Variants in SERPINE2 observed in about 807,000 individuals in gnomAD.
SERPINE2 encodes the protein glia-derived nexin.
Under a neutral mutation model 36.3 loss-of-function variants are expected in SERPINE2, and 14 were observed. That is an observed-to-expected ratio of 0.39 (90% CI 0.25 to 0.60). SERPINE2 has a LOEUF of 0.60. SERPINE2 is among the 20% of genes least tolerant of loss of function. The probability of loss-of-function intolerance (pLI) is 0.57; values close to 1 mark genes in which losing one functional copy is unlikely to be tolerated. For synonymous variants in SERPINE2, 192 were observed against 191.8 expected (o/e 1.00, Z -0.01); for missense variants, 418 against 499.6 (o/e 0.84, Z 1.56).
chr2:223,992,019 A>T lies in SERPINE2; in HGVS notation c.488-19T>A. On this transcript the variant is annotated intron_variant, in intron 3 of 8. Coordinates refer to ENST00000409304, the MANE Select transcript of SERPINE2 (RefSeq NM_001136528.2). ...ATCATATCTGTGAAGCCAAAGAACA[A>T]ACAAGGGAAAAATAACCTCAGGACT... The T allele has an allele frequency of 6.2e-7, 1 of 1,611,564 alleles. No homozygotes were observed. Among genetic ancestry groups the T allele is most frequent in the Non-Finnish European group, 8.5e-7 (1 of 1,178,524 alleles).
chr2:223,989,555 T>TG (rs1690569352), intron 4 of SERPINE2, among the ~76,000 whole-genome samples: 1 of 152,184 alleles, frequency 6.6e-6, no homozygotes, highest in South Asian at 2.1e-4. Flanking sequence ...TTCACAGCCC[T>TG]GTCAAGACAA....
chr2:224,026,607 C>G (rs1170217506), intron 1 of SERPINE2, among the ~76,000 whole-genome samples: 2 of 152,146 alleles, frequency 1.3e-5, no homozygotes, highest in African/African-American at 4.8e-5. Flanking sequence ...TTCTGAAGAA[C>G]AATTTTGAGG....
chr2:223,993,649 G>C (rs1411869322), intron 3 of SERPINE2, among the ~76,000 whole-genome samples: 1 of 152,032 alleles, frequency 6.6e-6, no homozygotes, highest in African/African-American at 2.4e-5. Context: ...GAAGAAGCAA[G>C]AATATCTAAT....
intron 1 of SERPINE2, among the ~76,000 whole-genome samples, chr2:224,009,018 C>T (rs886525159): frequency 3.3e-5 from 5 of 152,124 alleles, no homozygotes; most frequent in African/African-American, 1.2e-4. Flanking sequence ...GTCTGCTGGG[C>T]ATTAAAAGCT....
chr2:224,014,126 G>C lies in SERPINE2; in HGVS notation c.-22-12204C>G, dbSNP rs1469096919. The stretch of plus-strand genomic sequence containing the variant: ...GAGGTGGCTCATGCCTGTAATCCTA[G>C]CCCTTTGGGAAGCCAAGGTGGGTAG... On this transcript the variant is annotated intron_variant, in intron 1 of 8. Transcript: ENST00000409304. Among the ~76,000 whole-genome samples the C allele has an allele frequency of 2.0e-5, 3 of 152,320 alleles. No homozygotes were observed. The South Asian group carries it at 6.2e-4, about 32-fold the overall frequency.
chr2:224,000,806 G>A (rs1476314853), intron 2 of SERPINE2, among the ~76,000 whole-genome samples: 2 of 151,864 alleles, frequency 1.3e-5, no homozygotes, highest in Non-Finnish European at 2.9e-5. Flanking sequence ...CTGTTCCTGC[G>A]TTTGCTGAGA....
chr2:224,006,578 C>T (rs1691432928), intron 1 of SERPINE2, among the ~76,000 whole-genome samples: 2 of 152,118 alleles, frequency 1.3e-5, no homozygotes, highest in African/African-American at 2.4e-5. Context: ...TTTCTTTCCT[C>T]GCAAGTAGAC....
chr2:224,028,587 C>T (rs1313964159), intron 1 of SERPINE2, among the ~76,000 whole-genome samples: 1 of 152,070 alleles, frequency 6.6e-6, no homozygotes, highest in Non-Finnish European at 1.5e-5. Context: ...AGTCTATATC[C>T]CATCAGTGGG....
Position 223,991,856 on chromosome 2 carries a change from T to C in SERPINE2, c.632A>G (p.Asp211Gly). The stretch of plus-strand genomic sequence containing the variant: ...CATTGGCACTTGATAGGATTTCCCG[T>C]CGGCTGCCACGAAAGTGCGTTTCTT... ...NTKKRTFVAA[D>G]GKSYQVPMLA... Residue 211 changes from aspartate (D) to glycine (G), a missense_variant, in exon 4 of 9, where the codon GAC becomes GGC. By Grantham distance (94) the Asp-to-Gly change is moderately conservative. Coordinates refer to ENST00000409304, the MANE Select transcript of SERPINE2 (RefSeq NM_001136528.2). The C allele has an allele frequency of 6.2e-7, 1 of 1,613,326 alleles. No homozygotes were observed. The highest frequency in any genetic ancestry group is 1.1e-5 in the South Asian group (1 of 90,886).
At chr2:224,013,441 T>G (rs563459123) in intron 1 of SERPINE2, among the ~76,000 whole-genome samples, 1 of 152,262 alleles carries the variant, frequency 6.6e-6, no homozygotes, top group East Asian at 1.9e-4. Context: ...ACTTGCACTT[T>G]CCCTCTAGCT....
chr2:223,979,143 C>T (rs1452024342), intron 7 of SERPINE2: 1 of 152,204 alleles, frequency 6.6e-6, no homozygotes, highest in African/African-American at 2.4e-5. Context: ...CGGACTAAGA[C>T]AGGAGGACCT....
At chr2:223,977,183 A>AG (rs749173082) in intron 8 of SERPINE2, among the ~76,000 whole-genome samples, 1 of 152,202 alleles carries the variant, frequency 6.6e-6, no homozygotes, top group Non-Finnish European at 1.5e-5. Context: ...GTGAGAACAG[A>AG]CTAATACACA....
chr2:224,023,590 T>C (rs1337915779), intron 1 of SERPINE2, among the ~76,000 whole-genome samples: 1 of 152,228 alleles, frequency 6.6e-6, no homozygotes, highest in East Asian at 1.9e-4. Flanking sequence ...GGTAGGTTCA[T>C]TTAAGCAGTT....
intron 3 of SERPINE2, 111 bp from the exon 4 acceptor site, chr2:223,992,111 G>A (rs953499145): frequency 1.1e-6 from 1 of 874,126 alleles, no homozygotes; most frequent in Non-Finnish European, 1.8e-6. Context: ...GATTTTTAAG[G>A]AGTGTTAAAG....
chr2:224,005,939 G>A (rs1574834137), intron 1 of SERPINE2, among the ~76,000 whole-genome samples: 1 of 152,250 alleles, frequency 6.6e-6, no homozygotes, highest in East Asian at 1.9e-4. Context: ...CCTTCCCTAT[G>A]TTCTTCTAGT....
At chr2:224,015,087 GGGGAGGCCAGGGGTGC>G (rs1447698731) in intron 1 of SERPINE2, among the ~76,000 whole-genome samples, 1 of 152,120 alleles carries the variant, frequency 6.6e-6, no homozygotes, top group Non-Finnish European at 1.5e-5. Flanking sequence ...TGCTAGGTGG[GGGGAGGCCAGGGGTGC>G]TGCTGAGCAG....
chr2:224,024,210 C>T (rs1574847590), intron 1 of SERPINE2, among the ~76,000 whole-genome samples: 2 of 152,216 alleles, frequency 1.3e-5, no homozygotes, highest in South Asian at 4.1e-4. Context: ...ATCTCCAACT[C>T]TTTGCGCCTT....
chr2:224,029,881 G>T (rs1692301861), intron 1 of SERPINE2, among the ~76,000 whole-genome samples: 1 of 152,134 alleles, frequency 6.6e-6, no homozygotes, highest in African/African-American at 2.4e-5. Context: ...TGCATTTTTA[G>T]TAGAGACAGG....
At chr2:223,983,286 C>A (rs1464364997) in intron 5 of SERPINE2, among the ~76,000 whole-genome samples, 1 of 152,190 alleles carries the variant, frequency 6.6e-6, no homozygotes, top group African/African-American at 2.4e-5. Flanking sequence ...CAGAGTCTTG[C>A]TCTGTGGCCC....
Sources: gnomAD v4.1 joint callset for allele counts (sites outside exome capture counted in the v4.1 genomes callset) on GRCh38, gnomAD v4.1.1 for gene constraint, MANE v1.5 for transcripts, NCBI Gene and HGNC (gene_info 2026-07-23, HGNC 2026-07-21) for gene names.